The following ENOX1 variants were observed in gnomAD, a reference collection of about 807,000 sequenced individuals.
ENOX1 encodes ecto-NOX disulfide-thiol exchanger 1, also known as candidate growth-related and time keeping constitutive hydroquinone (NADH) oxidase.
In ENOX1, 42 loss-of-function variants were observed where a neutral mutation model predicts 82.5. That is an observed-to-expected ratio of 0.51 (90% CI 0.40 to 0.66). ENOX1 has a LOEUF of 0.66. Ranked by LOEUF, ENOX1 falls within the 30% of genes least tolerant of loss-of-function variation. The pLI, the probability that ENOX1 is intolerant of heterozygous loss-of-function variation, is 0.00. For synonymous variants in ENOX1, 271 were observed against 282.2 expected, an observed-to-expected ratio of 0.96 and a Z score of 0.40; for missense variants, 608 against 811.6, an observed-to-expected ratio of 0.75 and a Z score of 3.05.
rs940442149 is a variant in ENOX1 at position 43,632,453 on chromosome 13, AT to A, written c.-219+35025del. Among the ~76,000 whole-genome samples the A allele has an allele frequency of 1.9e-3, 287 of 149,516 alleles. 1 individual carries two copies. The highest frequency in any genetic ancestry group is 3.4e-3 in the Middle Eastern group (1 of 292). On this transcript the variant is annotated intron_variant, in intron 2 of 16. Coordinates refer to ENST00000690772, the MANE Select transcript of ENOX1 (RefSeq NM_001347969.2). ...ATAATGTATTTCTATTATAATCTTA[AT>A]TTTTTTTTTAAATGGAGTTTTGCTC...
rs566183362 is a variant in ENOX1 at position 43,447,373 on chromosome 13, A to T, written c.-74-34385T>A. ...GTGTGGATGAGCAGGACATCTTAGG[A>T]TGTCTAAACTAAAGGATCAGCTTGG... On this transcript the variant is annotated intron_variant, in intron 3 of 16. Coordinates refer to ENST00000690772, the MANE Select transcript of ENOX1 (RefSeq NM_001347969.2). Among the ~76,000 whole-genome samples, 4 of 152,202 alleles carry T rather than the reference A, an allele frequency of 2.6e-5. No individual in the cohort carries two copies. The South Asian group carries it at 8.3e-4, about 32-fold the overall frequency.
intron 11 of ENOX1, among the ~76,000 whole-genome samples, chr13:43,306,464 G>T (rs2046870193): frequency 6.6e-6 from 1 of 152,080 alleles, no homozygotes; most frequent in South Asian, 2.1e-4. Context: ...GGAAAGTCAG[G>T]CTTAGCTAAG....
chr13:43,522,935 C>T (rs139613738), intron 2 of ENOX1, among the ~76,000 whole-genome samples: 80 of 152,290 alleles, frequency 5.3e-4, no homozygotes, highest in African/African-American at 1.8e-3. Flanking sequence ...TGGAAAGTCA[C>T]TGTTCTGTAG....
At position 43,409,942 on chromosome 13, in the gene ENOX1, T is replaced by C. The variant is rs553662995; in HGVS notation, c.208+1974A>G. Among the ~76,000 whole-genome samples the C allele has an allele frequency of 5.3e-5, 8 of 152,258 alleles. No homozygotes were observed. The South Asian group carries it at 6.2e-4, about 12-fold the overall frequency. On this transcript the variant is annotated intron_variant, in intron 5 of 16. Transcript: ENST00000690772. ...TTAAATTATCAGGCCGTGTAAATGA[T>C]GAAGGGAAGCCCAGAAAGACCCTGA...
chr13:43,265,405 T>C lies in ENOX1; in HGVS notation c.1604A>G (p.Asp535Gly). 6.2e-7 allele frequency: 1 copy of C among 1,611,476 alleles called. No homozygotes were observed. Among genetic ancestry groups the C allele is most frequent in the Non-Finnish European group, 8.5e-7 (1 of 1,178,688 alleles). ...LVETNGHSHE[D>G]SNEINVLTVA... ...CAGGTTTGTGGTACCTACATTTGAA[T>C]CCTCATGGCTGTGGCCATTGGTCTC... is the stretch of plus-strand genomic sequence containing the variant. The change falls in exon 14 of 17, where the codon GAT becomes GGT. Residue 535 changes from aspartate (D) to glycine (G), a missense_variant. Transcript: ENST00000690772.
chr13:43,304,901 G>C (rs1489675422), intron 11 of ENOX1, among the ~76,000 whole-genome samples: 1 of 152,138 alleles, frequency 6.6e-6, no homozygotes, highest in East Asian at 1.9e-4. Context: ...CCATCCATCT[G>C]AACTCACCTA....
intron 12 of ENOX1, among the ~76,000 whole-genome samples, chr13:43,291,874 G>A (rs1039283458): frequency 1.3e-5 from 2 of 152,172 alleles, no homozygotes; most frequent in South Asian, 2.1e-4. Flanking sequence ...ACAGGTTCTG[G>A]CATTCAAGGG....
intron 3 of ENOX1, among the ~76,000 whole-genome samples, chr13:43,422,997 C>T (rs894683042): frequency 1.3e-5 from 2 of 152,086 alleles, no homozygotes; most frequent in African/African-American, 4.8e-5. Context: ...GGGATTGGTA[C>T]CATCGGAGGT....
At chr13:43,257,261 T>C (rs1039095351) in intron 14 of ENOX1, among the ~76,000 whole-genome samples, 10 of 152,174 alleles carry the variant, frequency 6.6e-5, no homozygotes, top group African/African-American at 1.4e-4. Flanking sequence ...CAGTAATCTA[T>C]TGTATATTTC....
At chr13:43,641,529 A>ATTTTTTTTTTTTTTT (rs769737189) in intron 2 of ENOX1, among the ~76,000 whole-genome samples, 9 of 83,092 alleles carry the variant, frequency 1.1e-4, no homozygotes, top group African/African-American at 1.9e-4. Context: ...TTAATTTTTA[A>ATTTTTTTTTTTTTTT]TTTTTTTTTT....
chr13:43,417,228 CGGGAGACGGGAGACGGGAGA>C (rs61248560), intron 3 of ENOX1, among the ~76,000 whole-genome samples: 2,153 of 24,748 alleles, frequency 0.087, 69 homozygotes, highest in African/African-American at 0.18. Flanking sequence ...AGACGGGAGA[CGGGAGACGGGAGACGGGAGA>C]GGGAGAGGGA....
intron 3 of ENOX1, among the ~76,000 whole-genome samples, chr13:43,470,216 ATGTG>A (rs1555289631): frequency 4.2e-5 from 4 of 95,436 alleles, no homozygotes; most frequent in East Asian, 2.4e-4. Flanking sequence ...GTATATATAT[ATGTG>A]TGTGTATGTG....
At chr13:43,727,926 G>T (rs1310951889) in intron 1 of ENOX1, among the ~76,000 whole-genome samples, 3 of 152,058 alleles carry the variant, frequency 2.0e-5, no homozygotes, top group East Asian at 3.9e-4. Context: ...ACAATACTGA[G>T]AATTCATAAC....
intron 1 of ENOX1, among the ~76,000 whole-genome samples, chr13:43,722,740 G>A (rs989236597): frequency 6.6e-6 from 1 of 151,798 alleles, no homozygotes; most frequent in African/African-American, 2.4e-5. Context: ...AAAAAAAATA[G>A]GTTAAGTAAT....
At chr13:43,315,481 A>C (rs1593881533) in intron 11 of ENOX1, among the ~76,000 whole-genome samples, 1 of 152,332 alleles carries the variant, frequency 6.6e-6, no homozygotes, top group Middle Eastern at 3.4e-3. Context: ...AAGAACAACA[A>C]CAATAAAAAG....
chr13:43,242,736 T>C (rs1190424328), intron 14 of ENOX1, among the ~76,000 whole-genome samples: 2 of 152,246 alleles, frequency 1.3e-5, no homozygotes, highest in African/African-American at 2.4e-5. Context: ...ATTAGCTTTA[T>C]AGAGGTGACA....
At chr13:43,613,640 A>C (rs1272906513) in intron 2 of ENOX1, among the ~76,000 whole-genome samples, 1 of 152,212 alleles carries the variant, frequency 6.6e-6, no homozygotes, top group East Asian at 1.9e-4. Flanking sequence ...ACTATGAAAA[A>C]TTATATGCCA....
chr13:43,326,199 TC>T (rs2048104110), intron 10 of ENOX1, among the ~76,000 whole-genome samples: 2 of 152,232 alleles, frequency 1.3e-5, no homozygotes, highest in Non-Finnish European at 2.9e-5. Context: ...AAGTATTTTC[TC>T]CCATTGCAGG....
intron 11 of ENOX1, among the ~76,000 whole-genome samples, chr13:43,310,543 G>T (rs2153517968): frequency 1.3e-5 from 2 of 152,266 alleles, no homozygotes; most frequent in South Asian, 4.1e-4. Context: ...AGGGACTATG[G>T]GTAGTTTCAT....
Sources: allele counts gnomAD v4.1 joint callset (sites outside exome capture counted in the v4.1 genomes callset), GRCh38; gene constraint gnomAD v4.1.1; transcripts MANE v1.5; gene names NCBI Gene and HGNC (gene_info 2026-07-23, HGNC 2026-07-21).